PRICKLE2: variants seen among roughly 807,000 people sequenced by gnomAD.
PRICKLE2 encodes the protein prickle planar cell polarity protein 2.
A neutral mutation model predicts 81.4 loss-of-function variants in PRICKLE2; 21 were observed. The ratio of observed to expected loss-of-function variants is 0.26; its 90% CI spans 0.18 to 0.37. The LOEUF is 0.37. Ranked by LOEUF, PRICKLE2 falls within the 10% of genes least tolerant of loss-of-function variation. The pLI, the probability that PRICKLE2 is intolerant of heterozygous loss-of-function variation, is 1.00. For missense variants in PRICKLE2, 940 were observed against 1,109.0 expected (o/e 0.85, Z 2.16); for synonymous variants, 456 against 421.5 (o/e 1.08, Z -1.00).
intron 3 of PRICKLE2, among the ~76,000 whole-genome samples, chr3:64,162,552 T>C (rs1013450657): frequency 3.3e-5 from 5 of 152,212 alleles, no homozygotes; most frequent in Admixed American, 3.3e-4. Context: ...AATCTGGACA[T>C]GTAATTCTCC....
At position 64,177,196 on chromosome 3, in the gene PRICKLE2, C is replaced by T. The variant is rs188182000; in HGVS notation, c.145-14067G>A. ...TGTTGCCCAGGCTGGAATGCAATGG[C>T]GTGATCTCGGCTCACTGCAACCTCC... On this transcript the variant is annotated intron_variant, in intron 2 of 7. Coordinates refer to ENST00000638394, the MANE Select transcript of PRICKLE2 (RefSeq NM_198859.4). Among the ~76,000 whole-genome samples, 714 of 113,350 alleles carry T rather than the reference C, an allele frequency of 6.3e-3. 11 individuals carry two copies. The highest frequency in any genetic ancestry group is 0.023 in the African/African-American group (675 of 29,198). The allele number at this position is 113,350 out of a possible 152,430, so 74.4% of individuals were successfully genotyped here.
intron 2 of PRICKLE2, among the ~76,000 whole-genome samples, chr3:64,238,646 T>C (rs2079218022): frequency 6.6e-6 from 1 of 152,104 alleles, no homozygotes; most frequent in Non-Finnish European, 1.5e-5. Flanking sequence ...ACAGGCACTG[T>C]GTCAGGCAGG....
chr3:64,240,152 A>T (rs1296585368), intron 2 of PRICKLE2, among the ~76,000 whole-genome samples: 1 of 152,034 alleles, frequency 6.6e-6, no homozygotes, highest in African/African-American at 2.4e-5. Context: ...TAGCCTGCTG[A>T]ATCTGTTCTT....
In PRICKLE2 at chr3:64,099,801, C is replaced by T. The variant is rs1216760976; in HGVS notation, c.1785G>A (p.Ser595=). ...EKLSNMGTLN[S]SMQFRSAESV... ...ACTCTGCGCTCCGGAACTGCATGGA[C>T]GAGTTAAGAGTGCCCATGTTGCTCA... Residue 595 remains serine (S), a synonymous_variant, in exon 8 of 8, where the codon TCG becomes TCA. Transcript: ENST00000638394. This position sits in a 1 kb window ranked among gnomAD's most constrained non-coding sequence, Gnocchi z 4.3. 5.0e-6 allele frequency: 8 copies of T among 1,614,080 alleles called. 1 individual carries two copies. Among genetic ancestry groups the T allele is most frequent in the Middle Eastern group, 3.3e-4 (2 of 6,084 alleles).
At chr3:64,121,275 G>T (rs2077022743) in intron 7 of PRICKLE2, among the ~76,000 whole-genome samples, 1 of 152,168 alleles carries the variant, frequency 6.6e-6, no homozygotes, top group African/African-American at 2.4e-5. Flanking sequence ...TGGGAAATTA[G>T]GTTTGGGAAT....
In PRICKLE2 at chr3:64,250,440, C is replaced by T. The variant is rs547313655; in HGVS notation, c.129-51473G>A. On this transcript the variant is annotated intron_variant, in intron 2 of 8. Coordinates refer to the PRICKLE2 transcript ENST00000295902. ...CCAGCTAGGAACTGCTGGGCTGTTG[C>T]AGAGGCCAGGTTTACCTAGCATGGG... Among the ~76,000 whole-genome samples, 11 of 152,260 alleles carry T rather than the reference C, an allele frequency of 7.2e-5. No homozygotes were observed. The East Asian group carries it at 1.7e-3, about 24-fold the overall frequency.
intron 2 of PRICKLE2, among the ~76,000 whole-genome samples, chr3:64,196,781 G>A (rs1323286647): frequency 2.0e-5 from 3 of 152,218 alleles, no homozygotes; most frequent in Middle Eastern, 6.8e-3. Flanking sequence ...AGAATAAAAA[G>A]GACTTTGTAG....
chr3:64,187,909 G>A (rs1348138436), intron 2 of PRICKLE2, among the ~76,000 whole-genome samples: 2 of 152,230 alleles, frequency 1.3e-5, no homozygotes, highest in African/African-American at 4.8e-5. Context: ...AGGTATCAGC[G>A]CATGCTCTAG....
intron 1 of PRICKLE2, among the ~76,000 whole-genome samples, chr3:64,203,413 T>C (rs2107123720): frequency 6.6e-6 from 1 of 152,358 alleles, no homozygotes; most frequent in East Asian, 1.9e-4. Context: ...GTAAGTTGAC[T>C]AAGCTCTTTG....
At chr3:64,239,072 G>A (rs1331643256) in intron 2 of PRICKLE2, among the ~76,000 whole-genome samples, 1 of 152,118 alleles carries the variant, frequency 6.6e-6, no homozygotes. Context: ...AGGCCCAGAC[G>A]GATGTCAGAG....
intron 2 of PRICKLE2, among the ~76,000 whole-genome samples, chr3:64,255,616 G>A (rs1028971513): frequency 6.6e-6 from 1 of 152,130 alleles, no homozygotes; most frequent in Non-Finnish European, 1.5e-5. Flanking sequence ...AGGGCAGATG[G>A]AAATCTCTCT....
chr3:64,103,327 A>C (rs1005104342), intron 7 of PRICKLE2: 3 of 152,252 alleles, frequency 2.0e-5, no homozygotes, highest in Non-Finnish European at 4.4e-5. Flanking sequence ...AACTGTCAAC[A>C]GTCTCAGAAG....
chr3:64,182,840 C>G (rs1432809216), intron 2 of PRICKLE2, among the ~76,000 whole-genome samples: 1 of 151,746 alleles, frequency 6.6e-6, no homozygotes, highest in Non-Finnish European at 1.5e-5. Context: ...TATTCTGTAT[C>G]TTTCCACCAA....
intron 2 of PRICKLE2, among the ~76,000 whole-genome samples, chr3:64,181,441 G>A (rs1016785841): frequency 2.6e-5 from 4 of 152,108 alleles, no homozygotes; most frequent in African/African-American, 9.7e-5. Flanking sequence ...ACTGTTAGGT[G>A]GTTAGCCAAC....
chr3:64,141,487 C>T lies in PRICKLE2; in HGVS notation c.1660+5343G>A, dbSNP rs148330670. Among the ~76,000 whole-genome samples the T allele has an allele frequency of 3.7e-4, 56 of 152,334 alleles. No homozygotes were observed. The East Asian group carries it at 0.01, about 28-fold the overall frequency. ...GTTGTTCTTGATGTTGTTATTATTT[C>T]TACTTCTAATGCTATGATTACGCAG... On this transcript the variant is annotated intron_variant, in intron 7 of 7. Coordinates refer to ENST00000638394, the MANE Select transcript of PRICKLE2 (RefSeq NM_198859.4).
chr3:64,260,520 G>A (rs2079600464), intron 2 of PRICKLE2, among the ~76,000 whole-genome samples: 1 of 152,190 alleles, frequency 6.6e-6, no homozygotes, highest in Non-Finnish European at 1.5e-5. Context: ...TTTAACCAGA[G>A]CTGCAGGCAA....
intron 2 of PRICKLE2, among the ~76,000 whole-genome samples, chr3:64,258,488 C>T (rs1019556287): frequency 6.6e-6 from 1 of 151,988 alleles, no homozygotes; most frequent in African/African-American, 2.4e-5. Context: ...TGTATAATTC[C>T]CTTTATGTAA....
rs970332287 is a variant in PRICKLE2, at chr3:64,123,821, C to G, written c.1660+23009G>C. Among the ~76,000 whole-genome samples, 3 of 152,262 alleles carry G rather than the reference C, an allele frequency of 2.0e-5. No individual in the cohort carries two copies. In the South Asian group the frequency reaches 6.2e-4, roughly 32 times the overall value. ...CTGCTCCACTGACCCACCATTCCCCCATCTTTTTCCCTGTTCTCAGGTCTA... is the reference window on the plus strand; with the variant it reads ...CTGCTCCACTGACCCACCATTCCCCGATCTTTTTCCCTGTTCTCAGGTCTA... On this transcript the variant is annotated intron_variant, in intron 7 of 7. Coordinates refer to ENST00000638394, the MANE Select transcript of PRICKLE2 (RefSeq NM_198859.4).
chr3:64,120,438 A>T lies in PRICKLE2; in HGVS notation c.1661-20513T>A, dbSNP rs143705711. On this transcript the variant is annotated intron_variant, in intron 7 of 7. Coordinates refer to ENST00000638394, the MANE Select transcript of PRICKLE2 (RefSeq NM_198859.4). ...ATAAGGAACTGAAAACAGAAAAAAG[A>T]TGAGCACCTTGCCCAAGGTCATGGG... Among the ~76,000 whole-genome samples, 447 of 152,286 alleles carry T rather than the reference A, an allele frequency of 2.9e-3. 6 individuals are homozygous for T. Among genetic ancestry groups the T allele is most frequent in the Middle Eastern group, 0.017 (5 of 294 alleles).
Sources: allele counts gnomAD v4.1 joint callset (sites outside exome capture counted in the v4.1 genomes callset), GRCh38; gene constraint gnomAD v4.1.1; non-coding constraint Gnocchi (gnomAD v3.1); transcripts MANE v1.5; gene names NCBI Gene and HGNC (gene_info 2026-07-23, HGNC 2026-07-21).